The following RBFOX1 variants were observed in gnomAD, a reference collection of about 807,000 sequenced individuals.
The protein encoded by RBFOX1 is RNA binding fox-1 homolog 1, also known as RNA binding protein fox-1 homolog 1.
In RBFOX1, 8 loss-of-function variants were observed where a neutral mutation model predicts 57.7. The ratio of observed to expected loss-of-function variants is 0.14; its 90% CI spans 0.08 to 0.25. The LOEUF is 0.25. RBFOX1 is among the 10% of genes least tolerant of loss of function. The probability of loss-of-function intolerance (pLI) is 1.00; values close to 1 mark genes in which losing one functional copy is unlikely to be tolerated. For missense variants in RBFOX1, 611 were observed against 548.5 expected (o/e 1.11, Z -1.14); for synonymous variants, 326 against 222.4 (o/e 1.47, Z -4.15).
intron 1 of RBFOX1, among the ~76,000 whole-genome samples, chr16:5,393,269 A>G (rs761243340): frequency 9.2e-5 from 14 of 152,146 alleles, no homozygotes; most frequent in Non-Finnish European, 8.8e-5. Context: ...TAGGAGCTCC[A>G]CAATTAGTCA....
intron 3 of RBFOX1, among the ~76,000 whole-genome samples, chr16:7,014,336 C>A (rs1302506427): frequency 2.0e-5 from 3 of 151,992 alleles, no homozygotes; most frequent in African/African-American, 4.8e-5. Context: ...CGTCAGCCTC[C>A]CTAGTAGCCA....
rs536589956 is a variant in RBFOX1 at position 5,454,670 on chromosome 16, C to A, written c.220-12546C>A. Among the ~76,000 whole-genome samples the A allele has an allele frequency of 1.1e-4, 16 of 152,298 alleles. No homozygotes were observed. In the South Asian group the frequency reaches 3.3e-3, roughly 32 times the overall value. On this transcript the variant is annotated intron_variant, in intron 1 of 2. Coordinates refer to the RBFOX1 transcript ENST00000585867. ...GGTCTCTATTTGGTTATCCACCTTG[C>A]AGATTTAGGATTTTGCAGCCTCCAT...
chr16:5,337,767 A>G (rs1469146324), intron 1 of RBFOX1, among the ~76,000 whole-genome samples: 1 of 152,190 alleles, frequency 6.6e-6, no homozygotes, highest in Non-Finnish European at 1.5e-5. Flanking sequence ...GACTGAAGGT[A>G]GAAACTCTGA....
chr16:7,451,129 G>A lies in RBFOX1; in HGVS notation c.28-67018G>A, dbSNP rs187866321. Reference sequence around the variant, plus strand: ...TTAAGGCTCTGGAGGGAGAAGAATCGTACTCAGAAAACATCCAGCTTTCTG... The same window carrying A: ...TTAAGGCTCTGGAGGGAGAAGAATCATACTCAGAAAACATCCAGCTTTCTG... On this transcript the variant is annotated intron_variant, in intron 4 of 15. Transcript: ENST00000550418. Among the ~76,000 whole-genome samples the A allele has an allele frequency of 4.8e-4, 73 of 152,270 alleles. 2 individuals are homozygous for A. In the East Asian group the frequency reaches 0.013, roughly 27 times the overall value.
At chr16:7,085,137 G>A (rs930714410) in intron 4 of RBFOX1, among the ~76,000 whole-genome samples, 1 of 152,054 alleles carries the variant, frequency 6.6e-6, no homozygotes, top group African/African-American at 2.4e-5. Context: ...TTACATCTCA[G>A]ATCAAATAAA....
intron 4 of RBFOX1, among the ~76,000 whole-genome samples, chr16:7,401,245 A>T (rs945304149): frequency 6.6e-6 from 1 of 152,240 alleles, no homozygotes; most frequent in Non-Finnish European, 1.5e-5. Flanking sequence ...AAAGAAGTCA[A>T]ACTACAAATA....
intron 1 of RBFOX1, among the ~76,000 whole-genome samples, chr16:6,107,135 CT>C (rs2096390544): frequency 6.6e-6 from 1 of 152,120 alleles, no homozygotes; most frequent in Non-Finnish European, 1.5e-5. Context: ...GTGGTTGTGC[CT>C]TTGCTTTTTT....
At chr16:5,764,497 G>C (rs937493099) in intron 3 of RBFOX1, among the ~76,000 whole-genome samples, 1 of 152,070 alleles carries the variant, frequency 6.6e-6, no homozygotes, top group Non-Finnish European at 1.5e-5. Context: ...CCAGGCTCAG[G>C]TGTTTCTTTA....
At chr16:7,201,876 T>C (rs1020817984) in intron 4 of RBFOX1, among the ~76,000 whole-genome samples, 2 of 152,066 alleles carry the variant, frequency 1.3e-5, no homozygotes, top group Non-Finnish European at 2.9e-5. Context: ...AGAGGGAGTA[T>C]TGATGGTGGG....
chr16:6,779,983 ATATATT>A (rs1240185010), intron 3 of RBFOX1, among the ~76,000 whole-genome samples: 3 of 50,022 alleles, frequency 6.0e-5, no homozygotes, highest in African/African-American at 2.2e-4. Context: ...TTATATATTT[ATATATT>A]TATATATTTA....
At chr16:7,371,639 A>G (rs2097567998) in intron 4 of RBFOX1, among the ~76,000 whole-genome samples, 1 of 152,148 alleles carries the variant, frequency 6.6e-6, no homozygotes, top group Non-Finnish European at 1.5e-5. Flanking sequence ...AATCCCAGCT[A>G]CTCAGGATAC....
At chr16:7,107,843 C>T (rs919551084) in intron 4 of RBFOX1, among the ~76,000 whole-genome samples, 14 of 152,116 alleles carry the variant, frequency 9.2e-5, no homozygotes, top group Non-Finnish European at 1.6e-4. Context: ...CTAACAATAA[C>T]CTCCTTGTTT....
intron 2 of RBFOX1, among the ~76,000 whole-genome samples, chr16:5,470,491 C>G (rs1317543869): frequency 6.6e-6 from 1 of 152,040 alleles, no homozygotes; most frequent in Admixed American, 6.6e-5. Context: ...CTGTCTGTCT[C>G]TCTCAATCTC....
At chr16:6,275,229 T>G (rs968185573) in intron 1 of RBFOX1, among the ~76,000 whole-genome samples, 5 of 151,806 alleles carry the variant, frequency 3.3e-5, no homozygotes, top group Non-Finnish European at 7.4e-5. Flanking sequence ...GAGAAGGGTG[T>G]GAACCCAGGA....
At chr16:6,923,232 G>A (rs543633396) in intron 3 of RBFOX1, among the ~76,000 whole-genome samples, 20 of 152,232 alleles carry the variant, frequency 1.3e-4, no homozygotes, top group Non-Finnish European at 2.5e-4. Context: ...AGCCCCACAG[G>A]CTGCTAGATG....
intron 2 of RBFOX1, among the ~76,000 whole-genome samples, chr16:6,328,595 A>C (rs2082646356): frequency 6.6e-6 from 1 of 152,202 alleles, no homozygotes; most frequent in Non-Finnish European, 1.5e-5. Context: ...AGACAACCAA[A>C]TGAGGATTCA....
intron 4 of RBFOX1, among the ~76,000 whole-genome samples, chr16:7,380,751 A>C (rs987808246): frequency 1.3e-5 from 2 of 152,210 alleles, no homozygotes; most frequent in Admixed American, 1.3e-4. Flanking sequence ...CACAGCTAGA[A>C]ATCCATTCTC....
At chr16:7,422,219 C>T (rs1463643533) in intron 4 of RBFOX1, among the ~76,000 whole-genome samples, 1 of 152,108 alleles carries the variant, frequency 6.6e-6, no homozygotes, top group Non-Finnish European at 1.5e-5. Flanking sequence ...CTGCCTCTCC[C>T]ACCAGTAGGC....
At chr16:5,960,968 C>T (rs1262011757) in intron 4 of RBFOX1, among the ~76,000 whole-genome samples, 1 of 152,042 alleles carries the variant, frequency 6.6e-6, no homozygotes, top group Non-Finnish European at 1.5e-5. Context: ...GGCCAGAAGA[C>T]AGCAGGGCTG....
Sources: gnomAD v4.1 joint callset for allele counts (sites outside exome capture counted in the v4.1 genomes callset) on GRCh38, gnomAD v4.1.1 for gene constraint, MANE v1.5 for transcripts, NCBI Gene and HGNC (gene_info 2026-07-23, HGNC 2026-07-21) for gene names.